The following FAM81A variants were observed in gnomAD, a reference collection of about 807,000 sequenced individuals.
FAM81A encodes the protein protein FAM81A.
FAM81A carries 19 observed loss-of-function variants against 46.7 expected under a neutral mutation model. The ratio of observed to expected loss-of-function variants is 0.41; its 90% CI spans 0.28 to 0.60. FAM81A has a LOEUF of 0.60. Ranked by LOEUF, FAM81A falls within the 20% of genes least tolerant of loss-of-function variation. FAM81A has a pLI of 0.34. For missense variants in FAM81A, 377 were observed against 453.5 expected (o/e 0.83, Z 1.53); for synonymous variants, 183 against 152.9 (o/e 1.20, Z -1.45).
At chr15:59,406,590 C>G (rs553452732) in intron 2 of FAM81A, among the ~76,000 whole-genome samples, 3 of 152,318 alleles carry the variant, frequency 2.0e-5, no homozygotes, top group Admixed American at 2.0e-4. Context: ...GCAACCATCA[C>G]CACAATCCAG....
chr15:59,520,301 G>C (rs186051824), intron 8 of FAM81A, among the ~76,000 whole-genome samples: 1 of 152,198 alleles, frequency 6.6e-6, no homozygotes, highest in Admixed American at 6.5e-5. Context: ...GCTAATGCTT[G>C]TACTCGTTTG....
chr15:59,474,927 G>A (rs779061249), intron 3 of FAM81A, among the ~76,000 whole-genome samples: 16 of 152,080 alleles, frequency 1.1e-4, no homozygotes, highest in Admixed American at 9.2e-4. Context: ...AATGTGACAG[G>A]CTGTGCTATT....
chr15:59,414,187 C>T (rs2141542848), intron 2 of FAM81A, among the ~76,000 whole-genome samples: 1 of 152,274 alleles, frequency 6.6e-6, no homozygotes, highest in South Asian at 2.1e-4. Flanking sequence ...CTCCTGGCCT[C>T]AAGTGATCCG....
In FAM81A at chr15:59,481,440, C is replaced by CA. The variant is rs199603028; in HGVS notation, c.295-10822dup. Among the ~76,000 whole-genome samples the CA allele has an allele frequency of 7.5e-3, 1,119 of 149,536 alleles. 15 individuals carry two copies. The highest frequency in any genetic ancestry group is 0.023 in the African/African-American group (953 of 40,816). ...TAATGTATGTCCATTGTTGGACATA[C>CA]AAAAAAAAAGAATAAACCATAATTC... On this transcript the variant is annotated intron_variant, in intron 3 of 8. Coordinates refer to ENST00000288228, the MANE Select transcript of FAM81A (RefSeq NM_152450.3).
chr15:59,447,648 A>G (rs1567047137), intron 1 of FAM81A, among the ~76,000 whole-genome samples: 1 of 152,222 alleles, frequency 6.6e-6, no homozygotes, highest in Admixed American at 6.5e-5. Flanking sequence ...TGGCTTGGGA[A>G]ATTAGGCATG....
At chr15:59,520,762 G>A (rs1208296672) in intron 8 of FAM81A, among the ~76,000 whole-genome samples, 3 of 152,042 alleles carry the variant, frequency 2.0e-5, no homozygotes, top group East Asian at 3.9e-4. Context: ...ACAGGGTTTC[G>A]CCGTGTTGGC....
chr15:59,518,058 T>C (rs537491746), intron 8 of FAM81A, among the ~76,000 whole-genome samples: 3 of 151,866 alleles, frequency 2.0e-5, no homozygotes, highest in African/African-American at 7.2e-5. Context: ...CTGCAACCTC[T>C]GCCTTCAGGG....
intron 3 of FAM81A, among the ~76,000 whole-genome samples, chr15:59,480,615 T>G (rs146969031): frequency 6.6e-5 from 10 of 152,312 alleles, no homozygotes; most frequent in African/African-American, 1.7e-4. Context: ...CAATGCACTT[T>G]CCACCCTTTA....
rs745754617 is a variant in FAM81A at position 59,458,579 on chromosome 15, A to G, written c.-48A>G. ...GAATTATTAAAAAGAAAATGGCCCA[A>G]CGGAGCACTGTATTTCCTTCTCGTG... is the stretch of plus-strand genomic sequence containing the variant. On this transcript the variant is annotated 5_prime_UTR_variant, in exon 2 of 9. Coordinates refer to ENST00000288228, the MANE Select transcript of FAM81A (RefSeq NM_152450.3). 4 of 1,613,728 alleles carry G rather than the reference A, an allele frequency of 2.5e-6. No homozygotes were observed. Among genetic ancestry groups the G allele is most frequent in the African/African-American group, 2.7e-5 (2 of 75,066 alleles).
intron 7 of FAM81A, 86 bp from the exon 8 acceptor site, chr15:59,516,559 G>C (rs1472571517): frequency 1.6e-5 from 21 of 1,346,284 alleles, no homozygotes; most frequent in Non-Finnish European, 2.1e-5. Context: ...CTTGCAGATT[G>C]TTGTTAAACG....
intron 4 of FAM81A, among the ~76,000 whole-genome samples, chr15:59,493,108 G>A (rs753461432): frequency 2.9e-4 from 44 of 152,176 alleles, no homozygotes; most frequent in Non-Finnish European, 5.0e-4. Flanking sequence ...TATCAGCACC[G>A]GAGCTGAGGA....
At chr15:59,437,520 A>G (rs1184495665), upstream of FAM81A, among the ~76,000 whole-genome samples, 1 of 152,058 alleles carries the variant, frequency 6.6e-6, no homozygotes, top group East Asian at 1.9e-4. Flanking sequence ...GGCTGGGAAG[A>G]GGAGGGGTGT....
At chr15:59,409,811 C>A (rs2081112676) in intron 2 of FAM81A, among the ~76,000 whole-genome samples, 1 of 152,048 alleles carries the variant, frequency 6.6e-6, no homozygotes, top group Non-Finnish European at 1.5e-5. Flanking sequence ...ATTAGCCTCA[C>A]TTTACAAAAA....
intron 2 of FAM81A, among the ~76,000 whole-genome samples, chr15:59,425,786 T>C (rs1276708837): frequency 6.6e-6 from 1 of 152,094 alleles, no homozygotes; most frequent in Non-Finnish European, 1.5e-5. Context: ...TCACCATGAC[T>C]GGATAATTAT....
At chr15:59,513,164 A>C (rs2082231087) in intron 6 of FAM81A, among the ~76,000 whole-genome samples, 1 of 152,226 alleles carries the variant, frequency 6.6e-6, no homozygotes, top group East Asian at 1.9e-4. Context: ...GACAGTTATA[A>C]GGAATTTGGG....
chr15:59,433,495 A>C (rs2081230061), upstream of FAM81A, among the ~76,000 whole-genome samples: 1 of 152,192 alleles, frequency 6.6e-6, no homozygotes, highest in Non-Finnish European at 1.5e-5. Flanking sequence ...CAAAAACATT[A>C]TTGCGAGATG....
rs2081536796 is a variant in FAM81A at position 59,460,322 on chromosome 15, T to G, written c.294+116T>G. On this transcript the variant is annotated intron_variant, in intron 3 of 8. Coordinates refer to ENST00000288228, the MANE Select transcript of FAM81A (RefSeq NM_152450.3). The surrounding 1 kb of genome is among the most constrained non-coding windows in gnomAD (Gnocchi z 4.4). The stretch of plus-strand genomic sequence containing the variant: ...GGCAGTACTGCATTTAGAACAAAGC[T>G]GTCTGTCTTGTCTATTCTTAATGAT... The G allele has an allele frequency of 7.7e-7, 1 of 1,306,310 alleles. No homozygotes were observed. Among genetic ancestry groups the G allele is most frequent in the Non-Finnish European group, 1.1e-6 (1 of 906,650 alleles). 80.9% of individuals were successfully genotyped at this position (1,306,310 alleles called of 1,614,324 possible).
intron 3 of FAM81A, among the ~76,000 whole-genome samples, chr15:59,479,763 C>T (rs7161900): frequency 0.063 from 9,497 of 151,798 alleles, 443 homozygotes; most frequent in African/African-American, 0.13. Context: ...GAAGGGCAGC[C>T]CGTGAGACTT....
chr15:59,483,405 C>T (rs1401170034), intron 3 of FAM81A, among the ~76,000 whole-genome samples: 1 of 152,018 alleles, frequency 6.6e-6, no homozygotes, highest in African/African-American at 2.4e-5. Context: ...AGAATATTTA[C>T]ATTCCTAATT....
Sources: gnomAD v4.1 joint callset for allele counts (sites outside exome capture counted in the v4.1 genomes callset) on GRCh38, gnomAD v4.1.1 for gene constraint, Gnocchi (gnomAD v3.1) non-coding constraint, MANE v1.5 for transcripts, NCBI Gene and HGNC (gene_info 2026-07-23, HGNC 2026-07-21) for gene names.